Variants in GALNT17 observed in about 807,000 individuals in gnomAD.
GALNT17 encodes polypeptide N-acetylgalactosaminyltransferase 17.
A neutral mutation model predicts 63.7 loss-of-function variants in GALNT17; 29 were observed. The observed-to-expected ratio is 0.46, with a 90% CI of 0.34 to 0.62. The LOEUF is 0.62. Among genes scored for constraint, GALNT17 ranks in the 20% least tolerant of loss-of-function variants. The pLI is 0.01. For synonymous variants in GALNT17, 305 were observed against 318.3 expected, an observed-to-expected ratio of 0.96 and a Z score of 0.45; for missense variants, 603 against 799.6, an observed-to-expected ratio of 0.75 and a Z score of 2.97.
chr7:71,617,825 T>G (rs1178932254), intron 6 of GALNT17, among the ~76,000 whole-genome samples: 1 of 151,986 alleles, frequency 6.6e-6, no homozygotes, highest in Non-Finnish European at 1.5e-5. Flanking sequence ...TTTTGTATTT[T>G]TAGTAGAGAC....
chr7:71,516,602 C>T (rs1788449032), intron 5 of GALNT17, among the ~76,000 whole-genome samples: 1 of 152,166 alleles, frequency 6.6e-6, no homozygotes, highest in Non-Finnish European at 1.5e-5. Context: ...AGGTATACAT[C>T]TTGTGCTCTG....
intron 9 of GALNT17, among the ~76,000 whole-genome samples, chr7:71,703,673 G>C (rs946501852): frequency 3.3e-5 from 5 of 152,158 alleles, no homozygotes; most frequent in Non-Finnish European, 7.3e-5. Flanking sequence ...AGGCATTAAA[G>C]GTATAAGAGA....
intron 1 of GALNT17, chr7:71,284,115 A>C (rs1022156634): frequency 6.6e-6 from 1 of 152,164 alleles, no homozygotes; most frequent in African/African-American, 2.4e-5. Flanking sequence ...TTCACAGTAA[A>C]TCTTGCTGCT....
At chr7:71,178,404 G>T (rs1788676361) in intron 1 of GALNT17, among the ~76,000 whole-genome samples, 1 of 151,904 alleles carries the variant, frequency 6.6e-6, no homozygotes, top group South Asian at 2.1e-4. Context: ...TTGGGTTTTG[G>T]TGATTTTCTT....
At chr7:71,201,241 T>TTATATATATATATATATATATA (rs760770848) in intron 1 of GALNT17, among the ~76,000 whole-genome samples, 13 of 138,378 alleles carry the variant, frequency 9.4e-5, no homozygotes, top group African/African-American at 2.8e-4. Flanking sequence ...GTGTTTATTT[T>TTATATATATATATATATATATA]TATATATATA....
intron 9 of GALNT17, among the ~76,000 whole-genome samples, chr7:71,682,440 C>A (rs1406456227): frequency 6.6e-6 from 1 of 152,194 alleles, no homozygotes; most frequent in African/African-American, 2.4e-5. Context: ...GCCTTTATTC[C>A]TCTATAGCCC....
intron 1 of GALNT17, among the ~76,000 whole-genome samples, chr7:71,288,625 C>A (rs536226079): frequency 6.6e-6 from 1 of 152,290 alleles, no homozygotes; most frequent in African/African-American, 2.4e-5. Flanking sequence ...TTGCAGCATG[C>A]TCAGGGGCCC....
At chr7:71,305,484 G>A (rs1791273224) in intron 1 of GALNT17, among the ~76,000 whole-genome samples, 1 of 152,228 alleles carries the variant, frequency 6.6e-6, no homozygotes, top group African/African-American at 2.4e-5. Context: ...GAAATTCAGA[G>A]TAGTGAAATT....
At chr7:71,162,030 C>A (rs1788350246) in intron 1 of GALNT17, among the ~76,000 whole-genome samples, 1 of 140,024 alleles carries the variant, frequency 7.1e-6, no homozygotes, top group Non-Finnish European at 1.5e-5. Context: ...CCTTCTTTCT[C>A]TTTCCCTCCC....
intron 1 of GALNT17, among the ~76,000 whole-genome samples, chr7:71,152,501 C>G (rs898414930): frequency 6.6e-6 from 1 of 152,150 alleles, no homozygotes; most frequent in Non-Finnish European, 1.5e-5. Flanking sequence ...GTCCCTCTCC[C>G]CTAGTTAGCA....
At chr7:71,430,875 T>A (rs1044725524) in intron 5 of GALNT17, among the ~76,000 whole-genome samples, 1 of 152,156 alleles carries the variant, frequency 6.6e-6, no homozygotes. Context: ...TTCCTATGCA[T>A]CAGCAAATAT....
intron 6 of GALNT17, among the ~76,000 whole-genome samples, chr7:71,601,738 T>TCACACCA (rs972912475): frequency 7.2e-5 from 11 of 151,926 alleles, no homozygotes; most frequent in Non-Finnish European, 1.5e-4. Flanking sequence ...CAAGCTAAGA[T>TCACACCA]CACACCACTG....
At chr7:71,607,775 A>G (rs1229693651) in intron 6 of GALNT17, among the ~76,000 whole-genome samples, 4 of 152,234 alleles carry the variant, frequency 2.6e-5, no homozygotes, top group Admixed American at 6.5e-5. Context: ...AAAACAATCT[A>G]TCCCTTGATT....
intron 5 of GALNT17, among the ~76,000 whole-genome samples, chr7:71,476,732 T>A (rs949940839): frequency 1.3e-5 from 2 of 152,098 alleles, no homozygotes; most frequent in Non-Finnish European, 2.9e-5. Context: ...CCACTAAAGA[T>A]CTTAACAATG....
At chr7:71,300,604 A>C in intron 1 of GALNT17, 1 of 296,076 alleles carries the variant, frequency 3.4e-6, no homozygotes, top group African/African-American at 2.2e-5. Flanking sequence ...GCGCGTGCAC[A>C]TACACACAAC....
At chr7:71,272,978 C>T (rs189897711) in intron 1 of GALNT17, among the ~76,000 whole-genome samples, 10 of 152,014 alleles carry the variant, frequency 6.6e-5, no homozygotes, top group African/African-American at 2.4e-4. Flanking sequence ...GAAGAGAGCA[C>T]GATCATTTTT....
chr7:71,209,345 A>G (rs1289027945), intron 1 of GALNT17, among the ~76,000 whole-genome samples: 1 of 152,138 alleles, frequency 6.6e-6, no homozygotes, highest in Non-Finnish European at 1.5e-5. Context: ...ACTGGGCTTT[A>G]TCTTTTCATA....
At chr7:71,449,760 A>T (rs1175286316) in intron 5 of GALNT17, among the ~76,000 whole-genome samples, 2 of 151,990 alleles carry the variant, frequency 1.3e-5, no homozygotes, top group Non-Finnish European at 2.9e-5. Context: ...TCGATTGTCT[A>T]ACCGGGCGCG....
intron 1 of GALNT17, among the ~76,000 whole-genome samples, chr7:71,195,488 C>T (rs996391959): frequency 1.3e-5 from 2 of 151,896 alleles, no homozygotes; most frequent in African/African-American, 4.8e-5. Flanking sequence ...CTCAGGAGAT[C>T]CTCCTACCTG....
Sources: gnomAD v4.1 joint callset for allele counts (sites outside exome capture counted in the v4.1 genomes callset) on GRCh38, gnomAD v4.1.1 for gene constraint, MANE v1.5 for transcripts, NCBI Gene and HGNC (gene_info 2026-07-23, HGNC 2026-07-21) for gene names.